The following SORCS2 variants were observed in gnomAD, a reference collection of about 807,000 sequenced individuals.
SORCS2 encodes VPS10 domain-containing receptor SorCS2.
In SORCS2, 100 loss-of-function variants were observed where a neutral mutation model predicts 141.6. The observed-to-expected ratio is 0.71, with a 90% CI of 0.60 to 0.83. The LOEUF (loss-of-function observed/expected upper bound fraction) is 0.83, where lower values mean the gene tolerates loss of function less well. SORCS2 is among the 40% of genes least tolerant of loss of function. SORCS2 has a pLI of 0.00. For missense variants in SORCS2, 1,646 were observed against 1,560.2 expected (o/e 1.05, Z -0.93); for synonymous variants, 789 against 676.9 (o/e 1.17, Z -2.57).
intron 1 of SORCS2, among the ~76,000 whole-genome samples, chr4:7,238,669 G>GTGTGAT (rs1438065726): frequency 6.6e-6 from 1 of 152,210 alleles, no homozygotes; most frequent in African/African-American, 2.4e-5. Flanking sequence ...TTAATCTGTG[G>GTGTGAT]TGTGATTAGG....
intron 1 of SORCS2, among the ~76,000 whole-genome samples, chr4:7,242,738 T>C (rs1319367652): frequency 6.6e-6 from 1 of 152,232 alleles, no homozygotes; most frequent in Non-Finnish European, 1.5e-5. Flanking sequence ...TTTCCCCTGG[T>C]CCAGACTCCG....
At chr4:7,199,204 A>G (rs1294171230) in intron 1 of SORCS2, among the ~76,000 whole-genome samples, 1 of 152,194 alleles carries the variant, frequency 6.6e-6, no homozygotes, top group Non-Finnish European at 1.5e-5. Flanking sequence ...GCCTGGAGCC[A>G]GTGGGATGGG....
At chr4:7,683,933 C>A (rs150772784) in intron 10 of SORCS2, among the ~76,000 whole-genome samples, 7 of 152,256 alleles carry the variant, frequency 4.6e-5, no homozygotes, top group Admixed American at 3.9e-4. Flanking sequence ...GAAGGAGAGA[C>A]AGAGCTGTAA....
chr4:7,633,161 G>A (rs1210016538), intron 3 of SORCS2, among the ~76,000 whole-genome samples: 1 of 152,182 alleles, frequency 6.6e-6, no homozygotes, highest in Non-Finnish European at 1.5e-5. Context: ...TGGCAGGAGT[G>A]GGGGTGTCTT....
rs553573209 is a variant in SORCS2, at chr4:7,225,667, G to A, written c.480+32541G>A. ...GCTGCTAGACTGGGCTGGAGCTGGTGCACGGGGGCTGCATGGATGTCTCTA... is the reference window on the plus strand; with the variant it reads ...GCTGCTAGACTGGGCTGGAGCTGGTACACGGGGGCTGCATGGATGTCTCTA... On this transcript the variant is annotated intron_variant, in intron 1 of 26. Coordinates refer to ENST00000507866, the MANE Select transcript of SORCS2 (RefSeq NM_020777.3). Among the ~76,000 whole-genome samples, 4 of 152,246 alleles carry A rather than the reference G, an allele frequency of 2.6e-5. No individual in the cohort carries two copies. In the East Asian group the frequency reaches 7.7e-4, roughly 29 times the overall value.
intron 1 of SORCS2, among the ~76,000 whole-genome samples, chr4:7,316,641 C>T (rs1357320866): frequency 6.6e-6 from 1 of 152,206 alleles, no homozygotes; most frequent in Non-Finnish European, 1.5e-5. Context: ...AAAATGTTAA[C>T]TCTTATTATT....
intron 16 of SORCS2, 33 bp downstream of exon 16, chr4:7,714,406 G>A: frequency 6.5e-7 from 1 of 1,541,716 alleles, no homozygotes; most frequent in Non-Finnish European, 8.7e-7. Flanking sequence ...CGAGGCCTCA[G>A]GCGCTGCTTG....
chr4:7,318,664 A>G (rs6841639), intron 1 of SORCS2, among the ~76,000 whole-genome samples: 89,140 of 152,044 alleles, frequency 0.59, 26,216 homozygotes, highest in South Asian at 0.72. Context: ...CAATCATCGC[A>G]GCTACTCAGC....
At chr4:7,533,901 C>T (rs1021954620) in intron 3 of SORCS2, among the ~76,000 whole-genome samples, 52 of 152,186 alleles carry the variant, frequency 3.4e-4, no homozygotes, top group Admixed American at 3.3e-3. Flanking sequence ...CTAGGCAGCA[C>T]TGGGCCTTCT....
intron 2 of SORCS2, among the ~76,000 whole-genome samples, chr4:7,499,663 C>G (rs1030706793): frequency 2.7e-5 from 4 of 150,498 alleles, no homozygotes; most frequent in East Asian, 1.9e-4. Flanking sequence ...GCCATCCCCC[C>G]TCATTTTGCC....
intron 3 of SORCS2, among the ~76,000 whole-genome samples, chr4:7,602,350 C>T (rs2108794838): frequency 6.6e-6 from 1 of 152,176 alleles, no homozygotes; most frequent in African/African-American, 2.4e-5. Flanking sequence ...ACGCTCCTCA[C>T]TTCCCAGACG....
At chr4:7,212,039 C>T (rs1470086326) in intron 1 of SORCS2, among the ~76,000 whole-genome samples, 4 of 152,160 alleles carry the variant, frequency 2.6e-5, no homozygotes, top group Non-Finnish European at 5.9e-5. Context: ...CATGGCTGCC[C>T]CACCCCAGGT....
intron 4 of SORCS2, among the ~76,000 whole-genome samples, chr4:7,640,045 G>T (rs1720571861): frequency 7.7e-6 from 1 of 129,584 alleles, no homozygotes; most frequent in African/African-American, 2.7e-5. Flanking sequence ...GTGCATGTGT[G>T]AGAGTGTGAG....
chr4:7,453,483 T>C (rs1305278894), intron 2 of SORCS2, among the ~76,000 whole-genome samples: 2 of 142,246 alleles, frequency 1.4e-5, no homozygotes, highest in South Asian at 2.3e-4. Flanking sequence ...AGGCTCCGTC[T>C]TGGGGTCAGG....
chr4:7,316,212 T>TCCA (rs1560186820), intron 1 of SORCS2, among the ~76,000 whole-genome samples: 19 of 150,630 alleles, frequency 1.3e-4, no homozygotes, highest in Non-Finnish European at 2.5e-4. Context: ...CTAGCTTTCC[T>TCCA]TCCATCCATC....
intron 2 of SORCS2, among the ~76,000 whole-genome samples, chr4:7,401,598 G>A (rs1724599111): frequency 6.6e-6 from 1 of 152,184 alleles, no homozygotes; most frequent in Non-Finnish European, 1.5e-5. Flanking sequence ...CTGTGATGCA[G>A]CCTCAGGGAT....
chr4:7,640,828 C>T (rs991602418), intron 4 of SORCS2, among the ~76,000 whole-genome samples: 41 of 152,258 alleles, frequency 2.7e-4, no homozygotes, highest in African/African-American at 8.9e-4. Flanking sequence ...CTGAGCCAAA[C>T]TGTGGCTGGT....
intron 4 of SORCS2, among the ~76,000 whole-genome samples, chr4:7,644,721 G>T (rs1372523855): frequency 2.0e-5 from 3 of 152,120 alleles, no homozygotes; most frequent in Non-Finnish European, 4.4e-5. Context: ...CCCTCAAGCT[G>T]CTCCTTTCCC....
intron 1 of SORCS2, among the ~76,000 whole-genome samples, chr4:7,273,193 A>G (rs372827701): frequency 5.3e-4 from 80 of 152,340 alleles, no homozygotes; most frequent in African/African-American, 1.7e-3. Context: ...CACAAAACAG[A>G]CACAAATGCA....
Sources: gnomAD v4.1 joint callset for allele counts (sites outside exome capture counted in the v4.1 genomes callset) on GRCh38, gnomAD v4.1.1 for gene constraint, MANE v1.5 for transcripts, NCBI Gene and HGNC (gene_info 2026-07-23, HGNC 2026-07-21) for gene names.